The following CACNA1E variants were observed in gnomAD, a reference collection of about 807,000 sequenced individuals.
CACNA1E encodes voltage-dependent R-type calcium channel subunit alpha-1E.
CACNA1E carries 40 observed loss-of-function variants against 259.2 expected under a neutral mutation model. The observed-to-expected ratio is 0.15, with a 90% CI of 0.12 to 0.20. The LOEUF (loss-of-function observed/expected upper bound fraction) is 0.20, where lower values mean the gene tolerates loss of function less well. Among genes scored for constraint, CACNA1E ranks in the 10% least tolerant of loss-of-function variants. The pLI is 1.00. For synonymous variants in CACNA1E, 1,104 were observed against 1,138.5 expected, an observed-to-expected ratio of 0.97 and a Z score of 0.61; for missense variants, 1,874 against 3,040.1, an observed-to-expected ratio of 0.62 and a Z score of 9.02.
chr1:181,585,710 G>A (rs975835148), intron 6 of CACNA1E, among the ~76,000 whole-genome samples: 3 of 152,204 alleles, frequency 2.0e-5, no homozygotes, highest in African/African-American at 7.2e-5. Context: ...TCTGGGGGAA[G>A]AGTCTCCTGA....
intron 3 of CACNA1E, among the ~76,000 whole-genome samples, chr1:181,571,122 T>A (rs1650368163): frequency 6.6e-6 from 1 of 152,042 alleles, no homozygotes; most frequent in South Asian, 2.1e-4. Context: ...AAGCATTATT[T>A]TTTTTTAATC....
chr1:181,716,907 A>G (rs1653948594), intron 10 of CACNA1E, among the ~76,000 whole-genome samples, 186 bp from the exon 11 acceptor site: 2 of 152,210 alleles, frequency 1.3e-5, no homozygotes, highest in Non-Finnish European at 2.9e-5. Context: ...GAGAGTGCCC[A>G]GAGAGGAAAA....
At chr1:181,739,821 C>G (rs966010908) in intron 25 of CACNA1E, among the ~76,000 whole-genome samples, 1 of 152,184 alleles carries the variant, frequency 6.6e-6, no homozygotes, top group Non-Finnish European at 1.5e-5. Context: ...TCCTTGATAA[C>G]ATACCTAGGA....
At chr1:181,362,576 T>C (rs1373246941) in intron 1 of CACNA1E, among the ~76,000 whole-genome samples, 1 of 152,210 alleles carries the variant, frequency 6.6e-6, no homozygotes, top group Non-Finnish European at 1.5e-5. Context: ...ACTAATGGAA[T>C]GATGAATGTG....
chr1:181,687,977 G>A (rs183547591), intron 7 of CACNA1E, among the ~76,000 whole-genome samples: 26 of 151,852 alleles, frequency 1.7e-4, no homozygotes, highest in Non-Finnish European at 3.2e-4. Flanking sequence ...TTGTGTTTTC[G>A]TGACTTATGG....
chr1:181,579,805 C>A (rs1372604906), intron 5 of CACNA1E, among the ~76,000 whole-genome samples: 1 of 152,176 alleles, frequency 6.6e-6, no homozygotes, highest in Non-Finnish European at 1.5e-5. Flanking sequence ...AGAGTTGGGT[C>A]CCTCCGGATC....
chr1:181,794,706 C>T (rs1227894484), intron 45 of CACNA1E, among the ~76,000 whole-genome samples, 158 bp from the exon 46 acceptor site: 1 of 152,204 alleles, frequency 6.6e-6, no homozygotes, highest in Non-Finnish European at 1.5e-5. Context: ...ACAGTTTCCA[C>T]CAGCTAAGGT....
In CACNA1E at chr1:181,807,029, G is replaced by C. The variant is rs148728038; in HGVS notation, c.*8195G>C. 1 of 151,780 alleles carries C rather than the reference G, an allele frequency of 6.6e-6. No individual in the cohort carries two copies. Among genetic ancestry groups the C allele is most frequent in the African/African-American group, 2.4e-5 (1 of 41,388 alleles). 9.4% of individuals were successfully genotyped at this position (151,780 alleles called of 1,614,324 possible). On this transcript the variant is annotated 3_prime_UTR_variant, in exon 48 of 48. Coordinates refer to ENST00000367573, the MANE Select transcript of CACNA1E (RefSeq NM_001205293.3). ...CACTTTGTGCTGTGTGTGGTAGCTCGTATGTGTTACCCCAGCTATTCAGGA... is the reference window on the plus strand; with the variant it reads ...CACTTTGTGCTGTGTGTGGTAGCTCCTATGTGTTACCCCAGCTATTCAGGA...
At chr1:181,344,772 G>A (rs1416597307) in intron 1 of CACNA1E, among the ~76,000 whole-genome samples, 1 of 152,216 alleles carries the variant, frequency 6.6e-6, no homozygotes, top group Non-Finnish European at 1.5e-5. Flanking sequence ...TTGGCTGATA[G>A]CACTGAGGCC....
At chr1:181,557,334 C>T (rs1283508039) in intron 3 of CACNA1E, among the ~76,000 whole-genome samples, 1 of 152,204 alleles carries the variant, frequency 6.6e-6, no homozygotes. Flanking sequence ...CTCAGGAGCA[C>T]CTACTGAGTT....
intron 7 of CACNA1E, among the ~76,000 whole-genome samples, chr1:181,682,083 G>T (rs1326808911): frequency 6.6e-6 from 1 of 152,178 alleles, no homozygotes; most frequent in Non-Finnish European, 1.5e-5. Context: ...AATGTTGGGG[G>T]CCAAGAAGGC....
At chr1:181,628,651 A>G (rs1158629654) in intron 6 of CACNA1E, among the ~76,000 whole-genome samples, 3 of 152,214 alleles carry the variant, frequency 2.0e-5, no homozygotes, top group Non-Finnish European at 4.4e-5. Flanking sequence ...CATTTGTCCT[A>G]GAGTGAAATA....
chr1:181,473,514 T>C (rs748731730), intron 2 of CACNA1E, among the ~76,000 whole-genome samples: 34 of 152,214 alleles, frequency 2.2e-4, no homozygotes, highest in Non-Finnish European at 4.3e-4. Context: ...GAATGTATCA[T>C]CACATTTGGT....
intron 17 of CACNA1E, 38 bp from the exon 18 acceptor site, chr1:181,726,027 G>C (rs1654875346): frequency 2.7e-6 from 4 of 1,476,782 alleles, no homozygotes; most frequent in Non-Finnish European, 3.8e-6. Context: ...TCTCCTTCCT[G>C]GGGATCCCAG....
Position 181,701,016 on chromosome 1 carries a change from G to A in CACNA1E, c.1056-9938G>A, listed in dbSNP as rs1652196236. On this transcript the variant is annotated intron_variant, in intron 7 of 47. Transcript: ENST00000367573. ...TTGACCGTCCCAAAGCATATAAAAG[G>A]ACTTGTTTTCATAAGGAAGAACCTT... 3.3e-5 allele frequency among the ~76,000 whole-genome samples: 5 copies of A among 152,158 alleles called. No individual in the cohort carries two copies. The South Asian group carries it at 1.0e-3, about 32-fold the overall frequency.
chr1:181,579,258 C>A (rs1651280341), intron 5 of CACNA1E, 34 bp downstream of exon 5: 1 of 1,574,006 alleles, frequency 6.4e-7, no homozygotes, highest in Non-Finnish European at 8.6e-7. Context: ...CTCCTTTTCC[C>A]TTCTCCCCTC....
At chr1:181,411,282 T>C (rs1421694392) in intron 1 of CACNA1E, among the ~76,000 whole-genome samples, 1 of 152,182 alleles carries the variant, frequency 6.6e-6, no homozygotes, top group Non-Finnish European at 1.5e-5. Flanking sequence ...TTGGAGCATG[T>C]CAAGATCTAG....
intron 2 of CACNA1E, among the ~76,000 whole-genome samples, chr1:181,438,995 A>T (rs376662579): frequency 6.6e-6 from 1 of 152,266 alleles, no homozygotes; most frequent in African/African-American, 2.4e-5. Flanking sequence ...GCCTAAACAC[A>T]TATAGCAGCA....
chr1:181,543,808 G>A (rs1418617509), intron 3 of CACNA1E, among the ~76,000 whole-genome samples: 2 of 152,186 alleles, frequency 1.3e-5, no homozygotes, highest in African/African-American at 2.4e-5. Context: ...ACACCCATTA[G>A]GGTGGTTACA....
Sources: gnomAD v4.1 joint callset for allele counts (sites outside exome capture counted in the v4.1 genomes callset) on GRCh38, gnomAD v4.1.1 for gene constraint, MANE v1.5 for transcripts, NCBI Gene and HGNC (gene_info 2026-07-23, HGNC 2026-07-21) for gene names.